The following LMX1B variants were observed in gnomAD, a reference collection of about 807,000 sequenced individuals.
LMX1B encodes the protein LIM homeobox transcription factor 1 beta, also known as LIM homeobox transcription factor 1-beta.
A neutral mutation model predicts 51.4 loss-of-function variants in LMX1B; 12 were observed. The observed-to-expected ratio is 0.23, with a 90% CI of 0.15 to 0.38. The LOEUF is 0.38. Ranked by LOEUF, LMX1B falls within the 10% of genes least tolerant of loss-of-function variation. The pLI is 1.00. For synonymous variants in LMX1B, 237 were observed against 235.4 expected, an observed-to-expected ratio of 1.01 and a Z score of -0.06; for missense variants, 445 against 571.1, an observed-to-expected ratio of 0.78 and a Z score of 2.25.
chr9:126,628,723 T>G (rs1835578103), intron 2 of LMX1B, among the ~76,000 whole-genome samples: 1 of 152,192 alleles, frequency 6.6e-6, no homozygotes, highest in Non-Finnish European at 1.5e-5. Flanking sequence ...ACCACACTCT[T>G]TGGCATATGT....
At chr9:126,645,575 TG>T (rs1441360354) in intron 2 of LMX1B, among the ~76,000 whole-genome samples, 2 of 152,186 alleles carry the variant, frequency 1.3e-5, no homozygotes, top group African/African-American at 4.8e-5. Flanking sequence ...GGCAGCCTGC[TG>T]GGGGAAGATC....
chr9:126,667,577 T>C (rs1273583461), intron 2 of LMX1B, among the ~76,000 whole-genome samples: 1 of 152,192 alleles, frequency 6.6e-6, no homozygotes, highest in African/African-American at 2.4e-5. Context: ...CCAGAGAGGC[T>C]GGGAGCTTGA....
intron 2 of LMX1B, among the ~76,000 whole-genome samples, chr9:126,642,567 C>T (rs2118884250): frequency 6.6e-6 from 1 of 152,346 alleles, no homozygotes; most frequent in African/African-American, 2.4e-5. Context: ...CTGGCCCTGC[C>T]TCCTCTGGGC....
rs1238660409 is a variant in LMX1B, at chr9:126,677,633, G to A, written c.327-13203G>A. Among the ~76,000 whole-genome samples, 1 of 152,174 alleles carries A rather than the reference G, an allele frequency of 6.6e-6. No individual in the cohort carries two copies. Among genetic ancestry groups the A allele is most frequent in the African/African-American group, 2.4e-5 (1 of 41,438 alleles). On this transcript the variant is annotated intron_variant, in intron 2 of 7. Coordinates refer to ENST00000373474, the MANE Select transcript of LMX1B (RefSeq NM_001174147.2). The surrounding 1 kb of genome is among the most constrained non-coding windows in gnomAD (Gnocchi z 5.0). ...TGTAAGGAAGAGACTCCTACCTCCG[G>A]TAGTGGTCATGAGGCATCAGTGAGG... is the stretch of plus-strand genomic sequence containing the variant.
intron 2 of LMX1B, among the ~76,000 whole-genome samples, chr9:126,660,056 C>CTA: frequency 7.0e-6 from 1 of 142,794 alleles, no homozygotes; most frequent in South Asian, 2.2e-4. Flanking sequence ...AGAGGTTGTC[C>CTA]TGCGTGGGGG....
At chr9:126,652,939 A>G (rs1474695124) in intron 2 of LMX1B, among the ~76,000 whole-genome samples, 1 of 152,142 alleles carries the variant, frequency 6.6e-6, no homozygotes, top group African/African-American at 2.4e-5. Flanking sequence ...GGCACGGGCC[A>G]GATCAGGGGA....
chr9:126,679,959 T>A (rs1357242451), intron 2 of LMX1B, among the ~76,000 whole-genome samples: 1 of 152,204 alleles, frequency 6.6e-6, no homozygotes, highest in Non-Finnish European at 1.5e-5. Flanking sequence ...CGGCTAAGTT[T>A]GAATGTCTTC....
intron 2 of LMX1B, among the ~76,000 whole-genome samples, chr9:126,633,588 G>A (rs999568583): frequency 6.6e-6 from 1 of 152,102 alleles, no homozygotes; most frequent in Admixed American, 6.5e-5. Context: ...GGGCCAGGCT[G>A]GGGGATGGAA....
At chr9:126,617,246 A>G (rs1588259590) in intron 2 of LMX1B, among the ~76,000 whole-genome samples, 1 of 151,482 alleles carries the variant, frequency 6.6e-6, no homozygotes, top group Non-Finnish European at 1.5e-5. Context: ...CACGCCCTGC[A>G]CCCCTGGCCT....
At chr9:126,657,816 A>G (rs776517456) in intron 2 of LMX1B, among the ~76,000 whole-genome samples, 1 of 152,206 alleles carries the variant, frequency 6.6e-6, no homozygotes, top group Non-Finnish European at 1.5e-5. Context: ...CAGTTTTGTG[A>G]GATCACCTAG....
chr9:126,614,715 G>T (rs1466776912), intron 1 of LMX1B, 127 bp downstream of exon 1: 152 of 1,089,604 alleles, frequency 1.4e-4, no homozygotes, highest in Non-Finnish European at 1.9e-4. Context: ...AGGAGGCAGA[G>T]ACAGGACTCC....
At chr9:126,652,302 G>GGT (rs991315999) in intron 2 of LMX1B, among the ~76,000 whole-genome samples, 6 of 149,970 alleles carry the variant, frequency 4.0e-5, no homozygotes, top group African/African-American at 1.2e-4. Flanking sequence ...GAGAAGGGGG[G>GGT]GGGGATTTTC....
rs1835279497 is a variant in LMX1B, at chr9:126,615,241, C to A, written c.140-142C>A. 2.9e-6 allele frequency: 1 copy of A among 343,676 alleles called. No individual in the cohort carries two copies. Among genetic ancestry groups the A allele is most frequent in the East Asian group, 8.7e-5 (1 of 11,506 alleles). 21.3% of individuals were successfully genotyped at this position (343,676 alleles called of 1,614,324 possible). A position where few individuals can be genotyped will look rare whatever the true frequency, so the allele number is the denominator to read the frequency against. On this transcript the variant is annotated intron_variant, in intron 1 of 7. Transcript: ENST00000373474. This position sits in a 1 kb window ranked among gnomAD's most constrained non-coding sequence, Gnocchi z 6.0. Reference sequence around the variant, plus strand: ...CGGGGCCGCCCGGCCCCTGGCGCGGCGGTCCGGGGAGCGCAGGCGGCAGGC... The same window carrying A: ...CGGGGCCGCCCGGCCCCTGGCGCGGAGGTCCGGGGAGCGCAGGCGGCAGGC...
At position 126,680,600 on chromosome 9, in the gene LMX1B, A is replaced by G. The variant is rs185409479; in HGVS notation, c.327-10236A>G. On this transcript the variant is annotated intron_variant, in intron 2 of 7. Coordinates refer to ENST00000373474, the MANE Select transcript of LMX1B (RefSeq NM_001174147.2). ...GGGGAAGGTACCTGGGACTAGCTCA[A>G]AAAGGTACCTGGGACTAGCTCAGTT... Among the ~76,000 whole-genome samples, 270 of 152,202 alleles carry G rather than the reference A, an allele frequency of 1.8e-3. 1 individual carries two copies. Among genetic ancestry groups the G allele is most frequent in the Middle Eastern group, 0.01 (3 of 294 alleles).
chr9:126,679,542 G>C (rs996611787), intron 2 of LMX1B, among the ~76,000 whole-genome samples: 1 of 152,060 alleles, frequency 6.6e-6, no homozygotes, highest in Admixed American at 6.6e-5. Context: ...GTAGGCAGAT[G>C]GGCAGATGAG....
rs182793153 is a variant in LMX1B at position 126,637,939 on chromosome 9, A to G, written c.326+22370A>G. Among the ~76,000 whole-genome samples, 418 of 150,584 alleles carry G rather than the reference A, an allele frequency of 2.8e-3. 2 individuals are homozygous for G. Among genetic ancestry groups the G allele is most frequent in the Non-Finnish European group, 4.3e-3 (290 of 67,780 alleles). On this transcript the variant is annotated intron_variant, in intron 2 of 7. Transcript: ENST00000373474. ...CTCAGGGCCAAAGGGATGGACACCC[A>G]GGGCCCCCTCCGACCATGGGCCCTA...
At chr9:126,657,796 A>G (rs1218840580) in intron 2 of LMX1B, among the ~76,000 whole-genome samples, 3 of 152,232 alleles carry the variant, frequency 2.0e-5, no homozygotes, top group Non-Finnish European at 4.4e-5. Flanking sequence ...AAGGAACCGC[A>G]GGGAGCTCCC....
At chr9:126,621,159 A>T (rs1835403572) in intron 2 of LMX1B, among the ~76,000 whole-genome samples, 2 of 152,336 alleles carry the variant, frequency 1.3e-5, no homozygotes, top group Middle Eastern at 3.4e-3. Context: ...AGGCTGAAGG[A>T]TGGAGGATAC....
intron 2 of LMX1B, among the ~76,000 whole-genome samples, chr9:126,650,520 G>A (rs893267175): frequency 1.3e-5 from 2 of 152,272 alleles, no homozygotes; most frequent in African/African-American, 4.8e-5. Flanking sequence ...CAAACAGCGA[G>A]GGAAACCCGA....
Sources: gnomAD v4.1 joint callset for allele counts (sites outside exome capture counted in the v4.1 genomes callset) on GRCh38, gnomAD v4.1.1 for gene constraint, Gnocchi (gnomAD v3.1) non-coding constraint, MANE v1.5 for transcripts, NCBI Gene and HGNC (gene_info 2026-07-23, HGNC 2026-07-21) for gene names.